The following NT5DC4 variants were observed in gnomAD, a reference collection of about 807,000 sequenced individuals.
NT5DC4 encodes 5'-nucleotidase domain containing 4.
In NT5DC4, 44 loss-of-function variants were observed where a neutral mutation model predicts 26.6. The ratio of observed to expected loss-of-function variants is 1.65; its 90% CI spans 1.30 to 2.13. The LOEUF (loss-of-function observed/expected upper bound fraction) is 2.13, where lower values mean the gene tolerates loss of function less well. Among genes scored for constraint, NT5DC4 ranks in the 30% most tolerant of loss-of-function variants. NT5DC4 has a pLI of 0.00. For synonymous variants in NT5DC4, 157 were observed against 86.7 expected (o/e 1.81, Z -4.51); for missense variants, 399 against 228.1 (o/e 1.75, Z -4.83).
chr2:112,722,206 A>C lies in NT5DC4; in HGVS notation c.290A>C (p.Tyr97Ser), dbSNP rs549791452. 1.4e-6 allele frequency: 1 copy of C among 716,882 alleles called. No individual in the cohort carries two copies. 44.4% of individuals were successfully genotyped at this position (716,882 alleles called of 1,614,324 possible). The part of the protein sequence containing the change: ...PTRRLVFDEL[Y>S]GNLLKVDAHG... ...AGGCGGCTGGTGTTCGATGAACTCT[A>C]TGGGAACCTGCTGAAGGTGGACGCC... Residue 97 changes from tyrosine (Y) to serine (S), a missense_variant, in exon 4 of 17, where the codon TAT (tyrosine) becomes TCT (serine). Coordinates refer to ENST00000688554, the MANE Select transcript of NT5DC4 (RefSeq NM_001393655.1).
intron 13 of NT5DC4, among the ~76,000 whole-genome samples, chr2:112,725,758 G>C (rs932036283): frequency 1.3e-5 from 2 of 152,166 alleles, no homozygotes; most frequent in Non-Finnish European, 2.9e-5. Context: ...AGCCAGTAGG[G>C]GGAAAGCTGA....
At chr2:112,740,889 C>T (rs754912723), downstream of NT5DC4, 19 of 1,613,834 alleles carry the variant, frequency 1.2e-5, no homozygotes, top group Admixed American at 3.3e-5. Flanking sequence ...TTCGGGGTGT[C>T]GCCGTGACTT....
At chr2:112,736,119 G>A (rs1679129989) in intron 16 of NT5DC4, among the ~76,000 whole-genome samples, 1 of 152,034 alleles carries the variant, frequency 6.6e-6, no homozygotes, top group Admixed American at 6.6e-5. Flanking sequence ...AAGTGCACAA[G>A]CAATGGATGG....
In NT5DC4 at chr2:112,726,739, G is replaced by A; in HGVS notation, c.1266+1G>A. On this transcript the variant is annotated splice_donor_variant, in intron 15 of 16. Coordinates refer to ENST00000688554, the MANE Select transcript of NT5DC4 (RefSeq NM_001393655.1). LOFTEE classifies it high-confidence loss of function. ...CAACTTCACCAAGAGAGAGATCCAG[G>A]TGGGAGCTGGGTGGCGAGGGAAGGG... is the stretch of plus-strand genomic sequence containing the variant. 1.4e-6 allele frequency: 1 copy of A among 717,514 alleles called. No homozygotes were observed. The highest frequency in any genetic ancestry group is 2.6e-6 in the Non-Finnish European group (1 of 385,110). The allele number at this position is 717,514 out of a possible 1,614,324, so 44.4% of individuals were successfully genotyped here. A position where few individuals can be genotyped will look rare whatever the true frequency, so the allele number is the denominator to read the frequency against.
chr2:112,725,497 T>TAG lies in NT5DC4; in HGVS notation c.1098_1099insAG (p.Cys367SerfsTer25), dbSNP rs1574250992. On this transcript the variant is annotated frameshift_variant, in exon 13 of 17. Transcript: ENST00000688554. LOFTEE classifies it high-confidence loss of function. ...CCAAGAAGCGTCAGGGCTGGCGGAC[T>TAG]TGCCTGGTGGTTCCTGAGCTGTCCT... 2 of 717,040 alleles carry TAG rather than the reference T, an allele frequency of 2.8e-6. No homozygotes were observed. Among genetic ancestry groups the TAG allele is most frequent in the East Asian group, 2.7e-5 (1 of 37,274 alleles). 44.4% of individuals were successfully genotyped at this position (717,040 alleles called of 1,614,324 possible).
chr2:112,722,042 G>C lies in NT5DC4; in HGVS notation c.205G>C (p.Val69Leu), dbSNP rs1323793633. ...LTFELLLERLVCIGYPHEILR... is the reference protein window; with the variant it reads ...LTFELLLERLLCIGYPHEILR... ...CTTCGAGCTGCTGCTGGAGCGCCTG[G>C]TGTGCATTGGGTACCCGCATGAGAT... Residue 69 changes from valine (V) to leucine (L), a missense_variant, in exon 3 of 17, where the codon GTG (valine) becomes CTG (leucine). By Grantham distance (32) the Val-to-Leu change is conservative. Coordinates refer to ENST00000688554, the MANE Select transcript of NT5DC4 (RefSeq NM_001393655.1). 2 of 717,202 alleles carry C rather than the reference G, an allele frequency of 2.8e-6. No individual in the cohort carries two copies. Among genetic ancestry groups the C allele is most frequent in the Non-Finnish European group, 5.2e-6 (2 of 385,078 alleles). The allele number at this position is 717,202 out of a possible 1,614,324, so 44.4% of individuals were successfully genotyped here.
intron 10 of NT5DC4, 118 bp downstream of exon 10, chr2:112,724,244 T>A: frequency 1.4e-6 from 1 of 696,116 alleles, no homozygotes; most frequent in East Asian, 2.7e-5. Flanking sequence ...GAGGAAGACC[T>A]GAGTGTGTGA....
intron 16 of NT5DC4, among the ~76,000 whole-genome samples, chr2:112,735,037 CATTT>C (rs1439952811): frequency 3.0e-4 from 23 of 77,034 alleles, no homozygotes; most frequent in African/African-American, 6.4e-4. Flanking sequence ...GAGGCAAGAA[CATTT>C]TTTTTTTTTT....
downstream of NT5DC4, among the ~76,000 whole-genome samples, chr2:112,740,624 C>T (rs1353312488): frequency 6.6e-6 from 1 of 152,108 alleles, no homozygotes; most frequent in East Asian, 1.9e-4. Context: ...TCTGCAAGTG[C>T]AGGACAAATG....
rs1676949781 is a variant in NT5DC4, at chr2:112,722,092, C to T, written c.255C>T (p.Thr85=). 4 of 716,968 alleles carry T rather than the reference C, an allele frequency of 5.6e-6. No homozygotes were observed. The highest frequency in any genetic ancestry group is 2.0e-5 in the Admixed American group (1 of 50,010). The allele number at this position is 716,968 out of a possible 1,614,324, so 44.4% of individuals were successfully genotyped here. A position where few individuals can be genotyped will look rare whatever the true frequency, so the allele number is the denominator to read the frequency against. Residue 85 remains threonine (T), a synonymous_variant, in exon 3 of 17, where the codon ACC becomes ACT. Coordinates refer to ENST00000688554, the MANE Select transcript of NT5DC4 (RefSeq NM_001393655.1). ...TCCTGCGCTACACCTACGACCCCACCTTCCCCACCAGGTGTGTGGCTCAGG... is the reference window on the plus strand; with the variant it reads ...TCCTGCGCTACACCTACGACCCCACTTTCCCCACCAGGTGTGTGGCTCAGG... ...HEILRYTYDP[T]FPTRRLVFDE...
At chr2:112,731,299 C>T (rs543326725) in intron 16 of NT5DC4, 1 of 152,126 alleles carries the variant, frequency 6.6e-6, no homozygotes, top group South Asian at 2.1e-4. Flanking sequence ...TTGCTCTTAA[C>T]CTAGAAGGCA....
downstream of NT5DC4, among the ~76,000 whole-genome samples, chr2:112,742,247 T>C (rs1453459954): frequency 2.0e-5 from 3 of 152,236 alleles, no homozygotes; most frequent in Non-Finnish European, 4.4e-5. Context: ...ATATGTCTCA[T>C]AGAAGAGTCT....
chr2:112,722,721 C>T lies in NT5DC4; in HGVS notation c.477C>T (p.Tyr159=), dbSNP rs1465423818. The T allele has an allele frequency of 2.8e-6, 2 of 717,588 alleles. No homozygotes were observed. The highest frequency in any genetic ancestry group is 3.5e-5 in the African/African-American group (2 of 57,242). The allele number at this position is 717,588 out of a possible 1,614,324, so 44.5% of individuals were successfully genotyped here. A position where few individuals can be genotyped will look rare whatever the true frequency, so the allele number is the denominator to read the frequency against. Residue 159 remains tyrosine, a synonymous_variant, in exon 6 of 17, where the codon TAC becomes TAT. Transcript: ENST00000688554. ...LNMLFNLPET[Y]LYACLVDFFS... The stretch of plus-strand genomic sequence containing the variant: ...CATCCTGTCTGCCCCCAGAAACCTA[C>T]CTCTATGCCTGCTTGGTGGACTTCT...
chr2:112,722,999 G>C, intron 6 of NT5DC4, 82 bp from the exon 7 acceptor site: 1 of 488,068 alleles, frequency 2.0e-6, no homozygotes, highest in African/African-American at 2.5e-5. Context: ...GGCTGGTGGG[G>C]TTGCTCTGGT....
At chr2:112,738,759 G>A in intron 16 of NT5DC4, 154 bp from the exon 17 acceptor site, 1 of 1,126,490 alleles carries the variant, frequency 8.9e-7, no homozygotes, top group Non-Finnish European at 1.3e-6. Flanking sequence ...AGGTCACTTG[G>A]ACAAGAATAT....
chr2:112,727,850 C>T (rs534354535), intron 15 of NT5DC4, among the ~76,000 whole-genome samples: 46 of 152,300 alleles, frequency 3.0e-4, no homozygotes, highest in African/African-American at 1.1e-3. Context: ...CAGCTTGTTC[C>T]GCTGCGGTTT....
intron 16 of NT5DC4, 143 bp from the exon 17 acceptor site, chr2:112,738,770 T>G: frequency 8.1e-7 from 1 of 1,230,872 alleles, no homozygotes; most frequent in Non-Finnish European, 1.2e-6. Context: ...ACAAGAATAT[T>G]TCTTGTCTTA....
intron 16 of NT5DC4, among the ~76,000 whole-genome samples, chr2:112,729,994 T>C (rs1181502686): frequency 1.3e-5 from 2 of 152,224 alleles, no homozygotes; most frequent in East Asian, 1.9e-4. Context: ...GATGGAAAAG[T>C]AGAAGCTAAA....
intron 6 of NT5DC4, 28 bp downstream of exon 6, chr2:112,722,799 G>A (rs543677124): frequency 1.4e-6 from 1 of 717,432 alleles, no homozygotes; most frequent in East Asian, 2.7e-5. Flanking sequence ...CCCAGCCCTG[G>A]GACGACCAGT....
Sources: allele counts gnomAD v4.1 joint callset (sites outside exome capture counted in the v4.1 genomes callset), GRCh38; gene constraint gnomAD v4.1.1; transcripts MANE v1.5; gene names NCBI Gene and HGNC (gene_info 2026-07-23, HGNC 2026-07-21).